CDH13: variants seen among roughly 807,000 people sequenced by gnomAD.
CDH13 encodes cadherin-13.
In CDH13, 24 loss-of-function variants were observed where a neutral mutation model predicts 63.8. That is an observed-to-expected ratio of 0.38 (90% CI 0.27 to 0.53). CDH13 has a LOEUF of 0.53. Among genes scored for constraint, CDH13 ranks in the 20% least tolerant of loss-of-function variants. The probability of loss-of-function intolerance (pLI) is 0.85; values close to 1 mark genes in which losing one functional copy is unlikely to be tolerated. For synonymous variants in CDH13, 503 were observed against 355.3 expected, an observed-to-expected ratio of 1.42 and a Z score of -4.67; for missense variants, 1,049 against 903.1, an observed-to-expected ratio of 1.16 and a Z score of -2.07.
At chr16:83,031,778 C>G (rs1336339480) in intron 2 of CDH13, among the ~76,000 whole-genome samples, 3 of 152,154 alleles carry the variant, frequency 2.0e-5, no homozygotes, top group Non-Finnish European at 4.4e-5. Context: ...ACACTCAGAG[C>G]TTAGCACCTG....
chr16:83,602,151 G>GAAAAAAAAAA (rs1907907036), intron 7 of CDH13, among the ~76,000 whole-genome samples: 1 of 77,720 alleles, frequency 1.3e-5, no homozygotes, highest in Non-Finnish European at 2.6e-5. Flanking sequence ...AAACCCAAAG[G>GAAAAAAAAAA]ACAATGTATA....
intron 2 of CDH13, among the ~76,000 whole-genome samples, chr16:83,031,221 T>C (rs546127297): frequency 4.0e-4 from 59 of 146,768 alleles, no homozygotes; most frequent in African/African-American, 1.4e-3. Context: ...ACCATATACA[T>C]GCGCATGTAT....
intron 2 of CDH13, among the ~76,000 whole-genome samples, chr16:82,892,691 A>G: frequency 6.6e-6 from 1 of 152,248 alleles, no homozygotes; most frequent in East Asian, 1.9e-4. Flanking sequence ...TTTAATTAAA[A>G]ATAACTAGAG....
intron 1 of CDH13, among the ~76,000 whole-genome samples, chr16:82,848,319 T>G (rs893097267): frequency 2.6e-5 from 4 of 152,162 alleles, no homozygotes; most frequent in Non-Finnish European, 4.4e-5. Flanking sequence ...GTCCCTAGTG[T>G]GTTTTTGCCT....
chr16:83,583,949 A>G (rs1346098959), intron 7 of CDH13, among the ~76,000 whole-genome samples: 4 of 152,044 alleles, frequency 2.6e-5, no homozygotes, highest in Non-Finnish European at 5.9e-5. Context: ...AAATTTAAAA[A>G]AGCAGAGCTG....
intron 4 of CDH13, among the ~76,000 whole-genome samples, chr16:83,183,995 T>C (rs904354417): frequency 2.0e-5 from 3 of 151,606 alleles, no homozygotes; most frequent in Admixed American, 2.0e-4. Context: ...ACTTGAACAT[T>C]AACATCTAAG....
intron 4 of CDH13, among the ~76,000 whole-genome samples, chr16:83,139,153 C>A (rs896271081): frequency 6.6e-6 from 1 of 152,090 alleles, no homozygotes; most frequent in Non-Finnish European, 1.5e-5. Flanking sequence ...CACCTGCGTG[C>A]TGTATGTTGC....
In CDH13 at chr16:82,822,053, C is replaced by T. The variant is rs181264816; in HGVS notation, c.46-36309C>T. Among the ~76,000 whole-genome samples, 63 of 152,194 alleles carry T rather than the reference C, an allele frequency of 4.1e-4. 1 individual carries two copies. Among genetic ancestry groups the T allele is most frequent in the African/African-American group, 1.5e-3 (61 of 41,538 alleles). On this transcript the variant is annotated intron_variant, in intron 1 of 13. Transcript: ENST00000567109. ...ATTGAGTTCTTACTACAGGATAGAC[C>T]CTGCTCCAAGGACTTTGTGTGAATT...
chr16:83,720,220 CAT>C (rs1279904153), intron 10 of CDH13, among the ~76,000 whole-genome samples: 3 of 152,134 alleles, frequency 2.0e-5, no homozygotes, highest in Middle Eastern at 3.2e-3. Flanking sequence ...TGCATGTACA[CAT>C]GTGTACATCA....
At chr16:83,689,190 C>T (rs1344981051) in intron 10 of CDH13, among the ~76,000 whole-genome samples, 1 of 152,030 alleles carries the variant, frequency 6.6e-6, no homozygotes, top group African/African-American at 2.4e-5. Flanking sequence ...TTCTTGTCAG[C>T]CTTAGAAATT....
chr16:83,729,278 C>T (rs763906867), intron 10 of CDH13, among the ~76,000 whole-genome samples: 10 of 151,932 alleles, frequency 6.6e-5, no homozygotes, highest in Non-Finnish European at 1.3e-4. Flanking sequence ...GCATATTATA[C>T]ATATGTGTAT....
At chr16:83,452,018 A>G (rs1167934770) in intron 6 of CDH13, among the ~76,000 whole-genome samples, 1 of 151,740 alleles carries the variant, frequency 6.6e-6, no homozygotes, top group Admixed American at 6.6e-5. Context: ...GATATTTCTG[A>G]TTTTTCCTTT....
At chr16:82,879,582 T>C (rs942296080) in intron 2 of CDH13, among the ~76,000 whole-genome samples, 3 of 142,006 alleles carry the variant, frequency 2.1e-5, no homozygotes, top group African/African-American at 7.7e-5. Flanking sequence ...TATACAATAT[T>C]ATATATTATA....
intron 5 of CDH13, among the ~76,000 whole-genome samples, chr16:83,277,290 C>G (rs1053508531): frequency 8.5e-5 from 13 of 152,190 alleles, no homozygotes; most frequent in African/African-American, 3.1e-4. Flanking sequence ...TCAGGGCAGG[C>G]TGAACAAAGC....
intron 5 of CDH13, among the ~76,000 whole-genome samples, chr16:83,229,226 T>G (rs553346827): frequency 3.1e-4 from 47 of 152,160 alleles, no homozygotes; most frequent in Non-Finnish European, 6.3e-4. Context: ...CAAATTGTCA[T>G]GAAATAGAAA....
At chr16:82,991,413 C>G (rs1303716761) in intron 2 of CDH13, among the ~76,000 whole-genome samples, 1 of 151,978 alleles carries the variant, frequency 6.6e-6, no homozygotes, top group Non-Finnish European at 1.5e-5. Context: ...ATAAATTGGC[C>G]AGCCTTATGT....
intron 7 of CDH13, among the ~76,000 whole-genome samples, chr16:83,584,922 T>C (rs1567785021): frequency 6.6e-6 from 1 of 151,984 alleles, no homozygotes; most frequent in East Asian, 1.9e-4. Context: ...AGGTGCCAAA[T>C]TTAAACAACC....
chr16:82,672,780 C>G (rs1276770368), intron 1 of CDH13, among the ~76,000 whole-genome samples: 1 of 149,050 alleles, frequency 6.7e-6, no homozygotes, highest in African/African-American at 2.5e-5. Context: ...CACACACACA[C>G]ACACACACAC....
At chr16:83,056,452 C>T (rs892001097) in intron 3 of CDH13, among the ~76,000 whole-genome samples, 3 of 151,524 alleles carry the variant, frequency 2.0e-5, no homozygotes, top group East Asian at 2.0e-4. Flanking sequence ...TATGTATATA[C>T]CAAATACATA....
Sources: gnomAD v4.1 joint callset for allele counts (sites outside exome capture counted in the v4.1 genomes callset) on GRCh38, gnomAD v4.1.1 for gene constraint, MANE v1.5 for transcripts, NCBI Gene and HGNC (gene_info 2026-07-23, HGNC 2026-07-21) for gene names.